Variants in RBBP8 observed in about 807,000 individuals in gnomAD.
The protein encoded by RBBP8 is DNA endonuclease RBBP8.
A neutral mutation model predicts 108.3 loss-of-function variants in RBBP8; 88 were observed. That is an observed-to-expected ratio of 0.81 (90% CI 0.68 to 0.97). The LOEUF (loss-of-function observed/expected upper bound fraction) is 0.97, where lower values mean the gene tolerates loss of function less well. RBBP8 is among the 50% of genes least tolerant of loss of function. RBBP8 has a pLI of 0.00. For missense variants in RBBP8, 1,023 were observed against 1,049.0 expected, an observed-to-expected ratio of 0.98 and a Z score of 0.34; for synonymous variants, 332 against 348.2, an observed-to-expected ratio of 0.95 and a Z score of 0.52.
At chr18:22,997,079 C>T (rs2045872333) in intron 13 of RBBP8, among the ~76,000 whole-genome samples, 1 of 152,080 alleles carries the variant, frequency 6.6e-6, no homozygotes, top group African/African-American at 2.4e-5. Flanking sequence ...GTCTTCATTA[C>T]CTTTAAAATA....
intron 6 of RBBP8, among the ~76,000 whole-genome samples, chr18:22,979,761 G>A (rs1267534689): frequency 1.3e-5 from 2 of 149,808 alleles, no homozygotes; most frequent in African/African-American, 4.9e-5. Context: ...AATTGAGTTG[G>A]GCAAGAACAT....
chr18:22,984,865 CT>C lies in RBBP8; in HGVS notation c.605-19del. Reference sequence around the variant, plus strand: ...ATCATCATTGTTTATTGTGTAATCTCTTATTTTTTTCTCCCCTTAGAAATGA... The same window carrying C: ...ATCATCATTGTTTATTGTGTAATCTCTATTTTTTTCTCCCCTTAGAAATGA... On this transcript the variant is annotated intron_variant, in intron 7 of 18. Coordinates refer to ENST00000327155, the MANE Select transcript of RBBP8 (RefSeq NM_002894.3). 1.5e-6 allele frequency: 2 copies of C among 1,378,258 alleles called. No individual in the cohort carries two copies. Among genetic ancestry groups the C allele is most frequent in the Middle Eastern group, 1.9e-4 (1 of 5,294 alleles). The allele number at this position is 1,378,258 out of a possible 1,614,324, so 85.4% of individuals were successfully genotyped here.
intron 6 of RBBP8, among the ~76,000 whole-genome samples, chr18:22,980,858 G>T (rs1476217882): frequency 6.6e-6 from 1 of 151,412 alleles, no homozygotes; most frequent in Non-Finnish European, 1.5e-5. Flanking sequence ...GAGACTACAG[G>T]TGTGTGCCAC....
rs11418623 is a variant in RBBP8, at chr18:22,957,291, C to CTTTTT, written c.248+7594_248+7598dup. Among the ~76,000 whole-genome samples, 71 of 92,846 alleles carry CTTTTT rather than the reference C, an allele frequency of 7.6e-4. 3 individuals carry two copies. Among genetic ancestry groups the CTTTTT allele is most frequent in the Middle Eastern group, 0.01 (1 of 100 alleles). 60.9% of individuals were successfully genotyped at this position (92,846 alleles called of 152,430 possible). On this transcript the variant is annotated intron_variant, in intron 4 of 18. Transcript: ENST00000327155. ...TTATACTTTGTTGTAATTACTTTTT[C>CTTTTT]TTTTTTTTTTTTTTTTTTTTGCCTG... is the stretch of plus-strand genomic sequence containing the variant.
At chr18:22,979,092 C>G (rs945710105) in intron 6 of RBBP8, among the ~76,000 whole-genome samples, 1 of 152,084 alleles carries the variant, frequency 6.6e-6, no homozygotes, top group African/African-American at 2.4e-5. Flanking sequence ...CATGGTAAAA[C>G]CCTGTCTCCA....
chr18:22,967,937 G>A (rs1295789780), intron 4 of RBBP8, among the ~76,000 whole-genome samples: 2 of 152,140 alleles, frequency 1.3e-5, no homozygotes, highest in East Asian at 1.9e-4. Flanking sequence ...GTGAGCCACT[G>A]TGCCCAGCCT....
chr18:22,933,607 C>G (rs1030393495), intron 1 of RBBP8, 43 bp downstream of exon 1: 1 of 152,532 alleles, frequency 6.6e-6, no homozygotes, highest in African/African-American at 2.4e-5. Flanking sequence ...AGCTCTGGGT[C>G]GGAGCGACTG....
chr18:22,914,159 A>T (rs1909266211), exon 1 of RBBP8: 1 of 152,222 alleles, frequency 6.6e-6, no homozygotes, highest in Admixed American at 6.5e-5. Context: ...GAACTCTTCC[A>T]CATAGCAGTA....
Position 22,936,756 on chromosome 18 carries a change from A to G in RBBP8, c.-96A>G, listed in dbSNP as rs1910609135. Reference sequence around the variant, plus strand: ...TATGTTGCAATCTGTCATTTCAGGTATTTGACCTGTCCAAAGACGACTTGA... The same window carrying G: ...TATGTTGCAATCTGTCATTTCAGGTGTTTGACCTGTCCAAAGACGACTTGA... On this transcript the variant is annotated splice_region_variant and 5_prime_UTR_variant, in exon 2 of 19. Transcript: ENST00000327155. The G allele has an allele frequency of 2.9e-6, 4 of 1,383,648 alleles. No homozygotes were observed. Among genetic ancestry groups the G allele is most frequent in the Non-Finnish European group, 4.1e-6 (4 of 976,074 alleles). The allele number at this position is 1,383,648 out of a possible 1,614,324, so 85.7% of individuals were successfully genotyped here.
intron 3 of RBBP8, among the ~76,000 whole-genome samples, chr18:22,921,599 ATAATTC>A (rs778907300): frequency 4.9e-4 from 74 of 152,234 alleles, no homozygotes; most frequent in Non-Finnish European, 1.0e-3. Flanking sequence ...CTTTAGTTTT[ATAATTC>A]TAATACAAAA....
chr18:22,937,039 T>A, intron 2 of RBBP8, 79 bp downstream of exon 2: 1 of 1,585,196 alleles, frequency 6.3e-7, no homozygotes, highest in Non-Finnish European at 8.6e-7. Flanking sequence ...ATGACAGTCC[T>A]GTTTATTATT....
intron 12 of RBBP8, 40 bp downstream of exon 12, chr18:22,993,887 CT>C: frequency 2.5e-6 from 4 of 1,588,778 alleles, no homozygotes; most frequent in Non-Finnish European, 3.5e-6. Flanking sequence ...TTTTTAATGA[CT>C]TCAGATTGAA....
In RBBP8 at chr18:22,984,929, T is replaced by G. The variant is rs200894893; in HGVS notation, c.648T>G (p.Asn216Lys). The G allele has an allele frequency of 6.2e-7, 1 of 1,611,560 alleles. No individual in the cohort carries two copies. The highest frequency in any genetic ancestry group is 1.1e-5 in the South Asian group (1 of 90,914). Residue 216 changes from asparagine (N) to lysine (K), a missense_variant, in exon 8 of 19, where the codon AAT becomes AAG. Asn to Lys is a moderately conservative substitution (Grantham distance 94). Coordinates refer to ENST00000327155, the MANE Select transcript of RBBP8 (RefSeq NM_002894.3). ...VSKSSTHPQHNPNENEILVAD... is the reference protein window; with the variant it reads ...VSKSSTHPQHKPNENEILVAD... ...AGTCTTCAACTCATCCACAACATAATCCTAATGAAAATGAAATTCTAGTAG... is the reference window on the plus strand; with the variant it reads ...AGTCTTCAACTCATCCACAACATAAGCCTAATGAAAATGAAATTCTAGTAG...
At chr18:22,960,205 T>G (rs1160608206) in intron 4 of RBBP8, among the ~76,000 whole-genome samples, 1 of 152,150 alleles carries the variant, frequency 6.6e-6, no homozygotes, top group Non-Finnish European at 1.5e-5. Flanking sequence ...ACTTTACTAT[T>G]TTTTAAAAAA....
chr18:22,987,844 T>A (rs1915437470), intron 8 of RBBP8, among the ~76,000 whole-genome samples: 1 of 152,218 alleles, frequency 6.6e-6, no homozygotes, highest in South Asian at 2.1e-4. Flanking sequence ...TGTATCTCTG[T>A]CCGACTTTTT....
chr18:22,995,878 ATGTT>A (rs1206672350), intron 12 of RBBP8, among the ~76,000 whole-genome samples: 2 of 152,164 alleles, frequency 1.3e-5, no homozygotes, highest in South Asian at 2.1e-4. Flanking sequence ...GTGTGGATGT[ATGTT>A]TTCATTTTTC....
At chr18:22,984,846 ATT>A (rs1472661157) in intron 7 of RBBP8, 38 bp from the exon 8 acceptor site, 2 of 1,028,554 alleles carry the variant, frequency 1.9e-6, no homozygotes, top group East Asian at 2.5e-5. Context: ...TTTCATCATC[ATT>A]GTTTATTGTG....
intron 3 of RBBP8, among the ~76,000 whole-genome samples, chr18:22,920,541 T>C (rs1339303421): frequency 6.6e-6 from 1 of 152,238 alleles, no homozygotes; most frequent in Non-Finnish European, 1.5e-5. Context: ...CCCTTGAAAG[T>C]TCTTTGCCTA....
At chr18:22,936,608 C>G in intron 1 of RBBP8, 146 bp from the exon 2 acceptor site, 1 of 485,712 alleles carries the variant, frequency 2.1e-6, no homozygotes, top group East Asian at 3.9e-5. Flanking sequence ...CTTATTCTTT[C>G]CTTCCCCTCC....
Sources: allele counts gnomAD v4.1 joint callset (sites outside exome capture counted in the v4.1 genomes callset), GRCh38; gene constraint gnomAD v4.1.1; transcripts MANE v1.5; gene names NCBI Gene and HGNC (gene_info 2026-07-23, HGNC 2026-07-21).